The following ENTPD4 variants were observed in gnomAD, a reference collection of about 807,000 sequenced individuals.
The protein encoded by ENTPD4 is Golgi UDPase.
Under a neutral mutation model 79.1 loss-of-function variants are expected in ENTPD4, and 60 were observed. The observed-to-expected ratio is 0.76, with a 90% CI of 0.62 to 0.94. The LOEUF is 0.94. Among genes scored for constraint, ENTPD4 ranks in the 40% least tolerant of loss-of-function variants. The probability of loss-of-function intolerance (pLI) is 0.00; values close to 1 mark genes in which losing one functional copy is unlikely to be tolerated. For synonymous variants in ENTPD4, 276 were observed against 292.0 expected (o/e 0.95, Z 0.56); for missense variants, 772 against 775.1 (o/e 1.00, Z 0.05).
rs994998886 is a variant in ENTPD4 at position 23,430,941 on chromosome 8, A to C, written c.*1985T>G. On this transcript the variant is annotated 3_prime_UTR_variant, in exon 13 of 13. Transcript: ENST00000358689. ...CACCCCTTTCTTAACAACTTTGACC[A>C]CGAAGCGCAAATACGATGCAGGTAA... is the stretch of plus-strand genomic sequence containing the variant. 2.0e-6 allele frequency: 2 copies of C among 985,234 alleles called. No homozygotes were observed. The highest frequency in any genetic ancestry group is 2.4e-6 in the Non-Finnish European group (2 of 829,930). 61.0% of individuals were successfully genotyped at this position (985,234 alleles called of 1,614,324 possible).
chr8:23,441,956 GA>G (rs1174143423), intron 7 of ENTPD4, 50 bp downstream of exon 7: 2 of 1,510,942 alleles, frequency 1.3e-6, no homozygotes, highest in East Asian at 2.3e-5. Flanking sequence ...GGATTAAACA[GA>G]AAAGCACCAA....
intron 8 of ENTPD4, 64 bp from the exon 9 acceptor site, chr8:23,439,979 AAGTCTAAAAAT>A: frequency 7.0e-7 from 1 of 1,437,820 alleles, no homozygotes; most frequent in South Asian, 1.2e-5. Flanking sequence ...CTAAAAAGAA[AAGTCTAAAAAT>A]AGTCTCATCT....
At chr8:23,443,079 C>A (rs1800701961) in intron 6 of ENTPD4, among the ~76,000 whole-genome samples, 1 of 152,134 alleles carries the variant, frequency 6.6e-6, no homozygotes, top group East Asian at 1.9e-4. Flanking sequence ...AGAGCCCCAC[C>A]CTTCCCATGC....
In ENTPD4 at chr8:23,431,771, G is replaced by T; in HGVS notation, c.*1155C>A. 1 of 985,472 alleles carries T rather than the reference G, an allele frequency of 1.0e-6. No homozygotes were observed. 61.0% of individuals were successfully genotyped at this position (985,472 alleles called of 1,614,324 possible). ...AGAAACACTGAGGAATACTGAGCAA[G>T]AAGTGGGCATGTGCTCTAGTTCCAA... On this transcript the variant is annotated 3_prime_UTR_variant, in exon 13 of 13. Coordinates refer to ENST00000358689, the MANE Select transcript of ENTPD4 (RefSeq NM_004901.5).
chr8:23,444,616 C>T lies in ENTPD4; in HGVS notation c.413-10G>A, dbSNP rs1800733606. 6.2e-7 allele frequency: 1 copy of T among 1,612,690 alleles called. No individual in the cohort carries two copies. Among genetic ancestry groups the T allele is most frequent in the Non-Finnish European group, 8.5e-7 (1 of 1,178,840 alleles). On this transcript the variant is annotated splice_polypyrimidine_tract_variant and intron_variant, in intron 4 of 12. Coordinates refer to ENST00000358689, the MANE Select transcript of ENTPD4 (RefSeq NM_004901.5). ...GCAAATTCTGAAATGCCTAGAGAAA[C>T]AGGATACTTTAGTTAAGAAGCAGAT...
chr8:23,452,390 C>T (rs183039676), intron 1 of ENTPD4, among the ~76,000 whole-genome samples: 1 of 152,330 alleles, frequency 6.6e-6, no homozygotes, highest in Non-Finnish European at 1.5e-5. Context: ...CAACTTTTCT[C>T]TCTCACTCAG....
chr8:23,433,198 GA>G, intron 12 of ENTPD4, 44 bp from the exon 13 acceptor site: 2 of 1,545,052 alleles, frequency 1.3e-6, no homozygotes, highest in Non-Finnish European at 1.8e-6. Flanking sequence ...AGTAAGCAAG[GA>G]AAGGGGTGGA....
In ENTPD4 at chr8:23,437,086, C is replaced by T. The variant is rs202109130; in HGVS notation, c.1222G>A (p.Glu408Lys). 3.7e-6 allele frequency: 6 copies of T among 1,614,130 alleles called. No homozygotes were observed. Among genetic ancestry groups the T allele is most frequent in the East Asian group, 2.2e-5 (1 of 44,876 alleles). The change falls in exon 10 of 13, where the codon GAG (glutamate) becomes AAG (lysine). Residue 408 changes from glutamate to lysine, a missense_variant. Glu to Lys is a moderately conservative substitution (Grantham distance 56). Coordinates refer to ENST00000358689, the MANE Select transcript of ENTPD4 (RefSeq NM_004901.5). Reference sequence around the variant, plus strand: ...ACCCCATTGAGGGAAGTCTGGGTCTCGTTTGTTTTATTCATGAAAGGCTGG... The same window carrying T: ...ACCCCATTGAGGGAAGTCTGGGTCTTGTTTGTTTTATTCATGAAAGGCTGG... ...TIQPFMNKTNETQTSLNGVYQ... is the reference protein window; with the variant it reads ...TIQPFMNKTNKTQTSLNGVYQ...
chr8:23,436,889 G>C, intron 10 of ENTPD4, 45 bp downstream of exon 10: 1 of 1,432,244 alleles, frequency 7.0e-7, no homozygotes, highest in Non-Finnish European at 9.5e-7. Context: ...CGTCCACACT[G>C]GTCTCTCAAA....
Position 23,430,799 on chromosome 8 carries a change from T to C in ENTPD4, c.*2127A>G, listed in dbSNP as rs1800440663. ...TTCCTTTCCTTTCTTCCCTCTCTGCTGCTGACACCAGTGGCTCCATCGCCA... is the reference window on the plus strand; with the variant it reads ...TTCCTTTCCTTTCTTCCCTCTCTGCCGCTGACACCAGTGGCTCCATCGCCA... On this transcript the variant is annotated 3_prime_UTR_variant, in exon 13 of 13. Coordinates refer to ENST00000358689, the MANE Select transcript of ENTPD4 (RefSeq NM_004901.5). 28 of 985,702 alleles carry C rather than the reference T, an allele frequency of 2.8e-5. No individual in the cohort carries two copies. Among genetic ancestry groups the C allele is most frequent in the Non-Finnish European group, 3.4e-5 (28 of 830,114 alleles). 61.1% of individuals were successfully genotyped at this position (985,702 alleles called of 1,614,324 possible). A position where few individuals can be genotyped will look rare whatever the true frequency, so the allele number is the denominator to read the frequency against.
intron 1 of ENTPD4, among the ~76,000 whole-genome samples, chr8:23,450,640 A>G (rs890601053): frequency 6.6e-6 from 1 of 152,218 alleles, no homozygotes; most frequent in East Asian, 1.9e-4. Context: ...ACTGCTGCTC[A>G]GGATCCTTTA....
chr8:23,444,099 T>C (rs1303480047), intron 5 of ENTPD4, 146 bp from the exon 6 acceptor site: 2 of 565,778 alleles, frequency 3.5e-6, no homozygotes, highest in East Asian at 3.0e-5. Context: ...AAAAAAGAAA[T>C]TCGTTGGAAA....
At chr8:23,434,841 A>G in intron 11 of ENTPD4, 1 of 425,958 alleles carries the variant, frequency 2.3e-6, no homozygotes, top group Non-Finnish European at 3.4e-6. Flanking sequence ...ATGAGATGGT[A>G]GGAAGGTTCT....
chr8:23,452,016 T>C (rs1800870819), intron 1 of ENTPD4, among the ~76,000 whole-genome samples: 1 of 152,176 alleles, frequency 6.6e-6, no homozygotes. Context: ...CCTAACAACT[T>C]ACAAGACAGA....
chr8:23,445,996 T>C (rs1393449840), intron 4 of ENTPD4, among the ~76,000 whole-genome samples: 2 of 152,136 alleles, frequency 1.3e-5, no homozygotes, highest in Non-Finnish European at 2.9e-5. Flanking sequence ...TAGCAAAAAA[T>C]TGACTAAACT....
Position 23,431,454 on chromosome 8 carries a change from A to C in ENTPD4, c.*1472T>G. On this transcript the variant is annotated 3_prime_UTR_variant, in exon 13 of 13. Transcript: ENST00000358689. ...CTTCTCAACTAAATAAATAGGTGAA[A>C]AAACACCAATCTCACATATGCCAAT... 1 of 985,462 alleles carries C rather than the reference A, an allele frequency of 1.0e-6. No individual in the cohort carries two copies. Among genetic ancestry groups the C allele is most frequent in the Admixed American group, 6.1e-5 (1 of 16,290 alleles). 61.0% of individuals were successfully genotyped at this position (985,462 alleles called of 1,614,324 possible). A position where few individuals can be genotyped will look rare whatever the true frequency, so the allele number is the denominator to read the frequency against.
Position 23,430,093 on chromosome 8 carries a change from T to C in ENTPD4, c.*2833A>G. The C allele has an allele frequency of 3.0e-6, 3 of 985,484 alleles. No individual in the cohort carries two copies. Among genetic ancestry groups the C allele is most frequent in the Non-Finnish European group, 3.6e-6 (3 of 829,942 alleles). 61.0% of individuals were successfully genotyped at this position (985,484 alleles called of 1,614,324 possible). ...ATTTACTGCCTTCTTGGTCAGCTCT[T>C]GGTATGAATTCTTCTCTTGAATTAA... On this transcript the variant is annotated 3_prime_UTR_variant, in exon 13 of 13. Coordinates refer to ENST00000358689, the MANE Select transcript of ENTPD4 (RefSeq NM_004901.5).
At chr8:23,439,022 G>GATATGTAA (rs1340819684) in intron 9 of ENTPD4, among the ~76,000 whole-genome samples, 1 of 151,964 alleles carries the variant, frequency 6.6e-6, no homozygotes, top group Non-Finnish European at 1.5e-5. Flanking sequence ...GTAATAAATA[G>GATATGTAA]GATAGCTTAC....
intron 5 of ENTPD4, 117 bp from the exon 6 acceptor site, chr8:23,444,070 T>C (rs1800720564): frequency 3.2e-6 from 2 of 620,370 alleles, no homozygotes; most frequent in Non-Finnish European, 5.5e-6. Flanking sequence ...ATATCTTGTA[T>C]GAAACAGTTA....
Sources: allele counts gnomAD v4.1 joint callset (sites outside exome capture counted in the v4.1 genomes callset), GRCh38; gene constraint gnomAD v4.1.1; transcripts MANE v1.5; gene names NCBI Gene and HGNC (gene_info 2026-07-23, HGNC 2026-07-21).